The following MTMR8 variants were observed in gnomAD, a reference collection of about 807,000 sequenced individuals.
MTMR8 encodes the protein phosphatidylinositol-3,5-bisphosphate 3-phosphatase MTMR8.
A neutral mutation model predicts 39.3 loss-of-function variants in MTMR8; 65 were observed. The ratio of observed to expected loss-of-function variants is 1.65; its 90% CI spans 1.35 to 2.03. The LOEUF (loss-of-function observed/expected upper bound fraction) is 2.03. Ranked by LOEUF, MTMR8 falls within the 30% of genes most tolerant of loss-of-function variation. The pLI, the probability that MTMR8 is intolerant of heterozygous loss-of-function variation, is 0.00. For synonymous variants in MTMR8, 245 were observed against 185.2 expected, an observed-to-expected ratio of 1.32 and a Z score of -2.62; for missense variants, 777 against 538.9, an observed-to-expected ratio of 1.44 and a Z score of -4.37.
intron 12 of MTMR8, among the ~76,000 whole-genome samples, chrX:64,287,784 T>A (rs1443139991): frequency 9.4e-6 from 1 of 106,688 alleles, no homozygotes; most frequent in Non-Finnish European, 1.9e-5. Context: ...TGAAACTGGA[T>A]CCCTTCCTTA....
chrX:64,353,161 C>T (rs766690411), intron 4 of MTMR8, among the ~76,000 whole-genome samples: 3 of 111,959 alleles, frequency 2.7e-5, no homozygotes, highest in Admixed American at 9.5e-5. Context: ...TGCAAAGAAA[C>T]ACTTTAGGAT....
At chrX:64,276,891 C>T (rs897587767) in intron 12 of MTMR8, among the ~76,000 whole-genome samples, 3 of 111,469 alleles carry the variant, frequency 2.7e-5, no homozygotes, top group African/African-American at 9.8e-5. Flanking sequence ...GTCTAAGTCT[C>T]TTTGTAGGTC....
chrX:64,342,641 G>T (rs1007544143), intron 8 of MTMR8, among the ~76,000 whole-genome samples: 4 of 111,717 alleles, frequency 3.6e-5, no homozygotes, highest in African/African-American at 1.3e-4. Context: ...CAACTGACAG[G>T]GTCACATAGT....
intron 12 of MTMR8, among the ~76,000 whole-genome samples, chrX:64,301,325 T>C (rs1186128361): frequency 2.8e-5 from 3 of 106,990 alleles, no homozygotes; most frequent in Non-Finnish European, 5.8e-5. Flanking sequence ...ATTTCATTCA[T>C]TTCGTCTTCC....
chrX:64,336,384 C>A (rs951400745), intron 9 of MTMR8, among the ~76,000 whole-genome samples: 8 of 110,712 alleles, frequency 7.2e-5, no homozygotes, highest in African/African-American at 2.3e-4. Flanking sequence ...AGCCACTGAG[C>A]CATAACTAAA....
intron 1 of MTMR8, among the ~76,000 whole-genome samples, chrX:64,384,663 C>A (rs1370662262): frequency 8.9e-6 from 1 of 112,501 alleles, no homozygotes; most frequent in Non-Finnish European, 1.9e-5. Context: ...TATCTGGGCC[C>A]CTTTGTGCCA....
intron 1 of MTMR8, among the ~76,000 whole-genome samples, chrX:64,366,792 T>G (rs1031757222): frequency 2.6e-4 from 29 of 110,917 alleles, no homozygotes; most frequent in African/African-American, 9.5e-4. Flanking sequence ...CAAAAAAAAC[T>G]TCAAAAAAAT....
intron 12 of MTMR8, chrX:64,305,205 A>G (rs968049760): frequency 2.3e-5 from 4 of 173,073 alleles, no homozygotes; most frequent in Admixed American, 2.1e-4. Flanking sequence ...CATTTTTATG[A>G]TTTTGAAGTT....
intron 10 of MTMR8, among the ~76,000 whole-genome samples, chrX:64,335,579 G>A (rs1468565500): frequency 8.9e-6 from 1 of 112,269 alleles, no homozygotes; most frequent in Non-Finnish European, 1.9e-5. Flanking sequence ...GCAGACAACA[G>A]ATAAATATAA....
chrX:64,372,293 A>G (rs1924149439), intron 1 of MTMR8, among the ~76,000 whole-genome samples: 1 of 110,916 alleles, frequency 9.0e-6, no homozygotes, highest in Admixed American at 9.7e-5. Flanking sequence ...TACAATCCAC[A>G]GATCTTATTT....
intron 12 of MTMR8, among the ~76,000 whole-genome samples, chrX:64,320,339 C>T (rs1922602807): frequency 1.8e-5 from 2 of 110,904 alleles, no homozygotes; most frequent in African/African-American, 6.6e-5. Context: ...CCCCTATTCC[C>T]CAGCTTAGTG....
rs751399962 is a variant in MTMR8 at position 64,304,860 on chromosome X, TTATATATATATATATATATATATATATA to T, written c.1481+23884_1481+23911del. ...GAGCTAAGCTTGATGGATCAAACATTTATATATATATATATATATATATATATATATATATATATATATATATACACAT... is the reference window on the plus strand; with the variant it reads ...GAGCTAAGCTTGATGGATCAAACATTTATATATATATATATATATACACAT... On this transcript the variant is annotated intron_variant, in intron 12 of 13. Transcript: ENST00000374852. 1.3e-3 allele frequency among the ~76,000 whole-genome samples: 37 copies of T among 28,582 alleles called. 2 individuals carry two copies. In the East Asian group the frequency reaches 0.025, roughly 19 times the overall value. 24.8% of individuals were successfully genotyped at this position (28,582 alleles called of 115,157 possible).
intron 8 of MTMR8, 58 bp downstream of exon 8, chrX:64,343,553 T>C: frequency 2.8e-6 from 2 of 708,378 alleles, no homozygotes; most frequent in Non-Finnish European, 4.4e-6. Flanking sequence ...GGCACACTAC[T>C]ACTTCAATAT....
At chrX:64,321,583 A>G (rs1922647189) in intron 12 of MTMR8, among the ~76,000 whole-genome samples, 1 of 111,880 alleles carries the variant, frequency 8.9e-6, no homozygotes, top group Non-Finnish European at 1.9e-5. Flanking sequence ...AGGGTCCTGT[A>G]GAAGATTAGT....
At chrX:64,362,688 A>G (rs754960107) in intron 1 of MTMR8, among the ~76,000 whole-genome samples, 2 of 109,822 alleles carry the variant, frequency 1.8e-5, no homozygotes, top group Non-Finnish European at 3.8e-5. Context: ...AACACCATAT[A>G]CAAAACTAGA....
At chrX:64,328,508 C>A (rs888774172) in intron 12 of MTMR8, among the ~76,000 whole-genome samples, 24 of 111,403 alleles carry the variant, frequency 2.2e-4, no homozygotes, top group African/African-American at 7.8e-4. Context: ...ATGAATCAAA[C>A]AAACGTTATC....
intron 1 of MTMR8, among the ~76,000 whole-genome samples, chrX:64,381,013 G>C (rs1924402378): frequency 8.9e-6 from 1 of 111,962 alleles, no homozygotes; most frequent in Non-Finnish European, 1.9e-5. Flanking sequence ...ATTTGGCTTG[G>C]TTCCAAGTCT....
At chrX:64,365,959 C>T (rs1459929506) in intron 1 of MTMR8, among the ~76,000 whole-genome samples, 1 of 111,418 alleles carries the variant, frequency 9.0e-6, no homozygotes, top group African/African-American at 3.3e-5. Flanking sequence ...GGGTTACAAT[C>T]CTAGTCTCTG....
chrX:64,287,738 G>T (rs1921238418), intron 12 of MTMR8, among the ~76,000 whole-genome samples: 1 of 108,433 alleles, frequency 9.2e-6, no homozygotes, highest in South Asian at 4.1e-4. Context: ...CTTAATAAAT[G>T]GTGCTGGGAA....
Sources: gnomAD v4.1 joint callset for allele counts (sites outside exome capture counted in the v4.1 genomes callset) on GRCh38, gnomAD v4.1.1 for gene constraint, MANE v1.5 for transcripts, NCBI Gene and HGNC (gene_info 2026-07-23, HGNC 2026-07-21) for gene names.